Variants in MACC1 observed in about 807,000 individuals in gnomAD.
The protein encoded by MACC1 is MET transcriptional regulator MACC1, also known as metastasis-associated in colon cancer protein 1.
In MACC1, 79 loss-of-function variants were observed where a neutral mutation model predicts 70.7. That is an observed-to-expected ratio of 1.12 (90% CI 0.93 to 1.35). MACC1 has a LOEUF of 1.35. Among genes scored for constraint, MACC1 ranks in the 40% most tolerant of loss-of-function variants. MACC1 has a pLI of 0.00. For missense variants in MACC1, 1,106 were observed against 978.1 expected (o/e 1.13, Z -1.74); for synonymous variants, 361 against 347.2 (o/e 1.04, Z -0.44).
intron 1 of MACC1, among the ~76,000 whole-genome samples, chr7:20,178,832 T>G (rs1047695949): frequency 1.9e-4 from 29 of 152,186 alleles, no homozygotes; most frequent in African/African-American, 6.8e-4. Context: ...ACTCCTGACC[T>G]CAGATGATCC....
intron 1 of MACC1, among the ~76,000 whole-genome samples, chr7:20,190,317 T>C (rs1218935919): frequency 2.0e-5 from 3 of 152,206 alleles, no homozygotes; most frequent in Non-Finnish European, 2.9e-5. Flanking sequence ...AATAAATGTT[T>C]AATTTTGAAC....
intron 5 of MACC1, among the ~76,000 whole-genome samples, chr7:20,156,046 G>A (rs1782050080): frequency 6.6e-6 from 1 of 152,074 alleles, no homozygotes; most frequent in South Asian, 2.1e-4. Flanking sequence ...AAATCAAATT[G>A]GATGCTGAAG....
chr7:20,208,709 T>C (rs1043165478), intron 1 of MACC1, among the ~76,000 whole-genome samples: 1 of 152,190 alleles, frequency 6.6e-6, no homozygotes, highest in African/African-American at 2.4e-5. Context: ...GAAATTTGCA[T>C]AAGTAACGAG....
intron 1 of MACC1, among the ~76,000 whole-genome samples, chr7:20,173,132 T>A (rs1010831530): frequency 6.6e-6 from 1 of 152,172 alleles, no homozygotes; most frequent in Non-Finnish European, 1.5e-5. Flanking sequence ...CCGAGATGGA[T>A]CCCAGGCTTC....
chr7:20,200,252 A>G (rs1488279528), intron 1 of MACC1, among the ~76,000 whole-genome samples: 1 of 115,702 alleles, frequency 8.6e-6, no homozygotes, highest in Non-Finnish European at 1.8e-5. Context: ...TTAAAAGATT[A>G]GTAGATTTAA....
At chr7:20,203,801 A>G (rs1782868647) in intron 1 of MACC1, among the ~76,000 whole-genome samples, 1 of 152,126 alleles carries the variant, frequency 6.6e-6, no homozygotes, top group South Asian at 2.1e-4. Context: ...TCGTCTTGGA[A>G]TCCTAATTAA....
intron 5 of MACC1, among the ~76,000 whole-genome samples, chr7:20,156,954 C>T (rs938642183): frequency 1.3e-5 from 2 of 152,192 alleles, no homozygotes; most frequent in Non-Finnish European, 2.9e-5. Context: ...AATACCTACA[C>T]ATACACAGTA....
chr7:20,173,675 C>G lies in MACC1; in HGVS notation c.-217-2897G>C, dbSNP rs543079623. Among the ~76,000 whole-genome samples, 12 of 152,314 alleles carry G rather than the reference C, an allele frequency of 7.9e-5. No homozygotes were observed. In the East Asian group the frequency reaches 2.3e-3, roughly 29 times the overall value. ...TTGCCTAGCATTATCTGCTTCAAAC[C>G]TATTGTGCTAATGGACAATCTGATC... is the stretch of plus-strand genomic sequence containing the variant. On this transcript the variant is annotated intron_variant, in intron 1 of 6. Coordinates refer to ENST00000400331, the MANE Select transcript of MACC1 (RefSeq NM_182762.4).
At chr7:20,196,476 A>T (rs1041578733) in intron 1 of MACC1, among the ~76,000 whole-genome samples, 1 of 152,142 alleles carries the variant, frequency 6.6e-6, no homozygotes, top group African/African-American at 2.4e-5. Flanking sequence ...CACTGCGCCC[A>T]GCCAACTTTC....
At chr7:20,171,140 G>A (rs531122792) in intron 1 of MACC1, among the ~76,000 whole-genome samples, 2 of 152,146 alleles carry the variant, frequency 1.3e-5, no homozygotes, top group South Asian at 2.1e-4. Flanking sequence ...AACTGATAGA[G>A]AAAGATGGAT....
At chr7:20,194,403 T>A (rs1782718459) in intron 1 of MACC1, among the ~76,000 whole-genome samples, 1 of 152,218 alleles carries the variant, frequency 6.6e-6, no homozygotes, top group Non-Finnish European at 1.5e-5. Context: ...ACTCCCCTGA[T>A]GTGTTTGTTC....
At position 20,158,687 on chromosome 7, in the gene MACC1, C is replaced by A; in HGVS notation, c.1674G>T (p.Lys558Asn). 6.2e-7 allele frequency: 1 copy of A among 1,613,916 alleles called. No homozygotes were observed. Among genetic ancestry groups the A allele is most frequent in the Non-Finnish European group, 8.5e-7 (1 of 1,179,988 alleles). Residue 558 changes from lysine to asparagine, a missense_variant, in exon 5 of 7, where the codon AAG becomes AAT. Coordinates refer to ENST00000400331, the MANE Select transcript of MACC1 (RefSeq NM_182762.4). ...LNFSNYGVTL[K>N]AVLRQSKIDY... The stretch of plus-strand genomic sequence containing the variant: ...CAATCTTGCTTTGTCTTAGCACTGC[C>A]TTCAGGGTTACCCCATAGTTGCTAA...
chr7:20,214,333 T>TA (rs904695644), intron 1 of MACC1, among the ~76,000 whole-genome samples: 6 of 152,132 alleles, frequency 3.9e-5, no homozygotes, highest in Admixed American at 3.3e-4. Flanking sequence ...CAGCTACACA[T>TA]AAAAACAGCC....
At chr7:20,195,339 C>T (rs1343696434) in intron 1 of MACC1, among the ~76,000 whole-genome samples, 1 of 152,136 alleles carries the variant, frequency 6.6e-6, no homozygotes, top group African/African-American at 2.4e-5. Flanking sequence ...AAGATTATAG[C>T]CTTCAAGGTG....
At position 20,159,448 on chromosome 7, in the gene MACC1, T is replaced by A; in HGVS notation, c.913A>T (p.Met305Leu). The A allele has an allele frequency of 1.2e-6, 2 of 1,614,072 alleles. No individual in the cohort carries two copies. Among genetic ancestry groups the A allele is most frequent in the African/African-American group, 2.7e-5 (2 of 75,060 alleles). ...CTGTGTAAACACACCATTTCTGTCATGACTTGGCTGAAAGGATCCTTTCTT... is the reference window on the plus strand; with the variant it reads ...CTGTGTAAACACACCATTTCTGTCAAGACTTGGCTGAAAGGATCCTTTCTT... ...EVRKDPFSQV[M>L]TEMVCLHSLG... The change falls in exon 5 of 7, where the codon ATG (methionine) becomes TTG (leucine). Residue 305 changes from methionine to leucine, a missense_variant. Physicochemically the swap from Met to Leu is conservative, Grantham distance 15. Coordinates refer to ENST00000400331, the MANE Select transcript of MACC1 (RefSeq NM_182762.4).
intron 6 of MACC1, among the ~76,000 whole-genome samples, chr7:20,142,329 C>G (rs1286134434): frequency 6.6e-6 from 1 of 152,170 alleles, no homozygotes; most frequent in African/African-American, 2.4e-5. Flanking sequence ...ATAAAAGGCT[C>G]TAAGGACAAT....
intron 1 of MACC1, 37 bp downstream of exon 1, chr7:20,217,262 G>C (rs1274204061): frequency 1.3e-5 from 2 of 152,194 alleles, no homozygotes; most frequent in Non-Finnish European, 2.9e-5. Context: ...CATATCAATA[G>C]TGAAAGGAAT....
At position 20,180,489 on chromosome 7, in the gene MACC1, CA is replaced by C. The variant is rs1194420057; in HGVS notation, c.-217-9712del. 2.0e-5 allele frequency among the ~76,000 whole-genome samples: 3 copies of C among 151,590 alleles called. No homozygotes were observed. The East Asian group carries it at 5.8e-4, about 29-fold the overall frequency. ...AAAAAAATGTATAGGCTTAAATTAG[CA>C]AAGCATATAAATAGCAAAATAGAAA... is the stretch of plus-strand genomic sequence containing the variant. On this transcript the variant is annotated intron_variant, in intron 1 of 6. Transcript: ENST00000400331.
chr7:20,156,514 C>G (rs185163757), intron 5 of MACC1, among the ~76,000 whole-genome samples: 1 of 152,192 alleles, frequency 6.6e-6, no homozygotes, highest in African/African-American at 2.4e-5. Context: ...CAATTCAAAC[C>G]TTTGCAGGTG....
Sources: gnomAD v4.1 joint callset for allele counts (sites outside exome capture counted in the v4.1 genomes callset) on GRCh38, gnomAD v4.1.1 for gene constraint, MANE v1.5 for transcripts, NCBI Gene and HGNC (gene_info 2026-07-23, HGNC 2026-07-21) for gene names.